Variants in VTCN1 observed in about 807,000 individuals in gnomAD.
VTCN1 encodes the protein V-set domain containing T cell activation inhibitor 1, also known as V-set domain-containing T-cell activation inhibitor 1.
Under a neutral mutation model 26.5 loss-of-function variants are expected in VTCN1, and 26 were observed. That is an observed-to-expected ratio of 0.98 (90% confidence interval 0.72 to 1.36). VTCN1 has a LOEUF of 1.36. Ranked by LOEUF, VTCN1 falls within the 40% of genes most tolerant of loss-of-function variation. The pLI, the probability that VTCN1 is intolerant of heterozygous loss-of-function variation, is 0.00. For synonymous variants in VTCN1, 116 were observed against 130.7 expected (o/e 0.89, Z 0.77); for missense variants, 298 against 337.7 (o/e 0.88, Z 0.92).
chr1:117,177,255 C>G (rs550893896), intron 1 of VTCN1, among the ~76,000 whole-genome samples: 1 of 152,088 alleles, frequency 6.6e-6, no homozygotes, highest in African/African-American at 2.4e-5. Context: ...TAACCATTTC[C>G]TAGATATTGA....
intron 1 of VTCN1, among the ~76,000 whole-genome samples, chr1:117,181,036 CT>C (rs1647646471): frequency 6.6e-6 from 1 of 152,244 alleles, no homozygotes; most frequent in South Asian, 2.1e-4. Context: ...TTCAACACGA[CT>C]TTTTCCACAG....
intron 1 of VTCN1, among the ~76,000 whole-genome samples, chr1:117,171,119 C>T (rs1652895937): frequency 6.6e-6 from 1 of 152,010 alleles, no homozygotes; most frequent in African/African-American, 2.4e-5. Context: ...TTTTCTGTTC[C>T]TGTGTTAGTT....
At chr1:117,156,215 T>A (rs1044267100) in intron 3 of VTCN1, among the ~76,000 whole-genome samples, 2 of 152,226 alleles carry the variant, frequency 1.3e-5, no homozygotes, top group Non-Finnish European at 2.9e-5. Flanking sequence ...CTGAAGATAC[T>A]GATTTCAGGA....
intron 1 of VTCN1, among the ~76,000 whole-genome samples, chr1:117,172,964 G>C (rs1011656263): frequency 3.3e-5 from 5 of 152,166 alleles, no homozygotes. Context: ...AAACTCCTCC[G>C]GTCCCCTTCC....
intron 1 of VTCN1, among the ~76,000 whole-genome samples, chr1:117,189,593 T>C (rs1323081415): frequency 6.6e-6 from 1 of 152,216 alleles, no homozygotes; most frequent in Non-Finnish European, 1.5e-5. Context: ...AGCTTGATAA[T>C]AAAATGAAAC....
chr1:117,194,815 A>G (rs1045488383), intron 1 of VTCN1, among the ~76,000 whole-genome samples: 1 of 152,230 alleles, frequency 6.6e-6, no homozygotes, highest in African/African-American at 2.4e-5. Context: ...GGAATCTTAA[A>G]AAGTTACACT....
chr1:117,173,882 C>A (rs1401851197), intron 1 of VTCN1, among the ~76,000 whole-genome samples: 3 of 152,204 alleles, frequency 2.0e-5, no homozygotes, highest in Non-Finnish European at 1.5e-5. Context: ...CTCCATCACA[C>A]CAGGCCCACG....
intron 4 of VTCN1, among the ~76,000 whole-genome samples, chr1:117,151,451 A>C (rs1029997800): frequency 1.3e-5 from 2 of 152,160 alleles, no homozygotes; most frequent in Admixed American, 1.3e-4. Context: ...CCTGCACATC[A>C]CAGACAGCAG....
At chr1:117,165,483 G>T (rs1570952084) in intron 2 of VTCN1, among the ~76,000 whole-genome samples, 1 of 152,106 alleles carries the variant, frequency 6.6e-6, no homozygotes, top group African/African-American at 2.4e-5. Flanking sequence ...TAAATGGCTT[G>T]GGTCATCCCC....
intron 4 of VTCN1, among the ~76,000 whole-genome samples, chr1:117,148,400 C>A (rs1240364855): frequency 6.6e-6 from 1 of 152,124 alleles, no homozygotes; most frequent in Admixed American, 6.5e-5. Context: ...TCATAGGGTT[C>A]TTATGAGGAT....
chr1:117,192,769 CA>C (rs1648308313), intron 1 of VTCN1, among the ~76,000 whole-genome samples: 1 of 151,614 alleles, frequency 6.6e-6, no homozygotes, highest in African/African-American at 2.4e-5. Flanking sequence ...TTCTAGTAGA[CA>C]AAAGATAAAG....
chr1:117,157,060 A>C, intron 2 of VTCN1, 139 bp from the exon 3 acceptor site: 2 of 1,436,208 alleles, frequency 1.4e-6, no homozygotes, highest in Non-Finnish European at 1.9e-6. Flanking sequence ...ATAAGAAGAC[A>C]AGAAGAGAAA....
rs377251860 is a variant in VTCN1 at position 117,151,249 on chromosome 1, C to T, written c.724+1842G>A. Among the ~76,000 whole-genome samples, 911 of 150,702 alleles carry T rather than the reference C, an allele frequency of 6.0e-3. 4 individuals are homozygous for T. The highest frequency in any genetic ancestry group is 0.01 in the Non-Finnish European group (695 of 67,850). On this transcript the variant is annotated intron_variant, in intron 4 of 5. Transcript: ENST00000369458. ...TTACAATTCTTAAAGATGGTGTGTCCGGAGTTTGTTCCTTCAGATGTTCAG... is the reference window on the plus strand; with the variant it reads ...TTACAATTCTTAAAGATGGTGTGTCTGGAGTTTGTTCCTTCAGATGTTCAG...
intron 1 of VTCN1, among the ~76,000 whole-genome samples, chr1:117,194,883 G>C (rs929771099): frequency 6.6e-6 from 1 of 152,216 alleles, no homozygotes. Context: ...GGAAAATGGA[G>C]AGGTGTTAGT....
intron 1 of VTCN1, among the ~76,000 whole-genome samples, chr1:117,177,346 G>C (rs1647410740): frequency 1.3e-5 from 2 of 152,170 alleles, no homozygotes; most frequent in African/African-American, 2.4e-5. Context: ...TCAAGGTGTA[G>C]AGTATGTTTC....
intron 1 of VTCN1, among the ~76,000 whole-genome samples, chr1:117,177,829 A>T (rs1265554395): frequency 2.0e-5 from 3 of 151,862 alleles, no homozygotes; most frequent in East Asian, 1.9e-4. Context: ...AATGACTGGT[A>T]GTGGTGGCTT....
intron 3 of VTCN1, among the ~76,000 whole-genome samples, 188 bp downstream of exon 3, chr1:117,156,386 C>A (rs1000123599): frequency 1.3e-5 from 2 of 152,146 alleles, no homozygotes; most frequent in Admixed American, 1.3e-4. Context: ...ATTTTTAAGG[C>A]CTCTCTTATA....
intron 1 of VTCN1, among the ~76,000 whole-genome samples, chr1:117,180,636 A>C (rs1469869170): frequency 6.6e-6 from 1 of 152,232 alleles, no homozygotes; most frequent in Non-Finnish European, 1.5e-5. Flanking sequence ...TGTCTTCCAA[A>C]GTGGAGGTTA....
intron 1 of VTCN1, chr1:117,203,715 C>A (rs1457729438): frequency 2.4e-5 from 24 of 985,198 alleles, no homozygotes; most frequent in Non-Finnish European, 2.7e-5. Context: ...ATAAATGATC[C>A]CAGGTGAAAT....
Sources: gnomAD v4.1 joint callset for allele counts (sites outside exome capture counted in the v4.1 genomes callset) on GRCh38, gnomAD v4.1.1 for gene constraint, MANE v1.5 for transcripts, NCBI Gene and HGNC (gene_info 2026-07-23, HGNC 2026-07-21) for gene names.